EEFSEC: variants seen among roughly 807,000 people sequenced by gnomAD.
EEFSEC encodes selenocysteine-specific elongation factor.
A neutral mutation model predicts 42.1 loss-of-function variants in EEFSEC; 43 were observed. The ratio of observed to expected loss-of-function variants is 1.02; its 90% CI spans 0.80 to 1.32. The LOEUF (loss-of-function observed/expected upper bound fraction) is 1.32, where lower values mean the gene tolerates loss of function less well. Among genes scored for constraint, EEFSEC ranks in the 40% most tolerant of loss-of-function variants. The pLI, the probability that EEFSEC is intolerant of heterozygous loss-of-function variation, is 0.00. For missense variants in EEFSEC, 745 were observed against 803.6 expected, an observed-to-expected ratio of 0.93 and a Z score of 0.88; for synonymous variants, 354 against 339.1, an observed-to-expected ratio of 1.04 and a Z score of -0.48.
In EEFSEC at chr3:128,358,333, T is replaced by A; in HGVS notation, c.1560T>A (p.Ser520Arg). 1 of 1,614,258 alleles carries A rather than the reference T, an allele frequency of 6.2e-7. No individual in the cohort carries two copies. Among genetic ancestry groups the A allele is most frequent in the Non-Finnish European group, 8.5e-7 (1 of 1,180,040 alleles). The change falls in exon 6 of 7, where the codon AGT becomes AGA. Residue 520 changes from serine (S) to arginine (R), a missense_variant. By Grantham distance (110) the Ser-to-Arg change is moderately radical. Coordinates refer to ENST00000254730, the MANE Select transcript of EEFSEC (RefSeq NM_021937.5). Reference sequence around the variant, plus strand: ...CTGGGGAACTGGGCATCATCGACAGTGCCTTCGGCCAGAGCGGCAAGTTCA... The same window carrying A: ...CTGGGGAACTGGGCATCATCGACAGAGCCTTCGGCCAGAGCGGCAAGTTCA... ...LSTGELGIID[S>R]AFGQSGKFKI...
intron 6 of EEFSEC, among the ~76,000 whole-genome samples, chr3:128,368,297 T>C (rs978324022): frequency 1.3e-5 from 2 of 151,972 alleles, no homozygotes; most frequent in African/African-American, 4.8e-5. Context: ...CTGGGCATAG[T>C]GGTTACACAC....
the EEFSEC span, among the ~76,000 whole-genome samples, chr3:128,424,527 G>A: frequency 6.6e-6 from 1 of 151,952 alleles, no homozygotes; most frequent in South Asian, 2.1e-4. Flanking sequence ...GACTACACAG[G>A]CATGCACCAT....
At chr3:128,197,759 GTGTTCTGCA>G (rs2065600595) in intron 1 of EEFSEC, among the ~76,000 whole-genome samples, 1 of 152,124 alleles carries the variant, frequency 6.6e-6, no homozygotes, top group Admixed American at 6.5e-5. Context: ...CCTGGATGCT[GTGTTCTGCA>G]TCATCATCAG....
At chr3:128,321,053 C>T (rs1325579478) in intron 4 of EEFSEC, among the ~76,000 whole-genome samples, 2 of 152,168 alleles carry the variant, frequency 1.3e-5, no homozygotes, top group South Asian at 2.1e-4. Flanking sequence ...GCGACAAAGG[C>T]AGGGATGGCA....
At chr3:128,241,040 A>T (rs971294260) in intron 1 of EEFSEC, among the ~76,000 whole-genome samples, 14 of 152,024 alleles carry the variant, frequency 9.2e-5, no homozygotes, top group African/African-American at 1.2e-4. Flanking sequence ...GCTTGTACAG[A>T]GCAATTGTTT....
chr3:128,204,546 G>A (rs957346116), intron 1 of EEFSEC, among the ~76,000 whole-genome samples: 1 of 152,092 alleles, frequency 6.6e-6, no homozygotes, highest in Non-Finnish European at 1.5e-5. Context: ...TTGTCACAGT[G>A]TCTAACTACT....
chr3:128,407,430 G>A (rs1239562361), intron 6 of EEFSEC, among the ~76,000 whole-genome samples: 1 of 152,194 alleles, frequency 6.6e-6, no homozygotes, highest in East Asian at 1.9e-4. Flanking sequence ...TGAGCCGAGG[G>A]GGCACTGTGA....
chr3:128,187,628 G>A (rs1411358894), intron 1 of EEFSEC, among the ~76,000 whole-genome samples: 1 of 152,228 alleles, frequency 6.6e-6, no homozygotes, highest in Non-Finnish European at 1.5e-5. Context: ...GAGAACATCT[G>A]GCAGATAAAA....
chr3:128,229,551 A>G (rs572031124), intron 1 of EEFSEC, among the ~76,000 whole-genome samples: 19 of 152,324 alleles, frequency 1.2e-4, no homozygotes, highest in Admixed American at 5.9e-4. Flanking sequence ...TCTGACTCCA[A>G]TAGTTACAGG....
chr3:128,304,238 T>C (rs1471358630), intron 4 of EEFSEC, among the ~76,000 whole-genome samples: 5 of 152,060 alleles, frequency 3.3e-5, no homozygotes, highest in Admixed American at 2.0e-4. Context: ...TAATTTGAAT[T>C]GAGTTGAATA....
At position 128,297,480 on chromosome 3, in the gene EEFSEC, G is replaced by A. The variant is rs74520330; in HGVS notation, c.786+32699G>A. On this transcript the variant is annotated intron_variant, in intron 4 of 6. Coordinates refer to ENST00000254730, the MANE Select transcript of EEFSEC (RefSeq NM_021937.5). ...CCATCAGGAGGAAAGGAGCTGGTGTGGGAAAGCCCAGCCCAATCCCAGCTA... is the reference window on the plus strand; with the variant it reads ...CCATCAGGAGGAAAGGAGCTGGTGTAGGAAAGCCCAGCCCAATCCCAGCTA... Among the ~76,000 whole-genome samples the A allele has an allele frequency of 1.8e-3, 277 of 152,298 alleles. 6 individuals are homozygous for A. The East Asian group carries it at 0.044, about 24-fold the overall frequency.
chr3:128,390,107 A>C (rs2107622841), intron 6 of EEFSEC, among the ~76,000 whole-genome samples: 2 of 152,334 alleles, frequency 1.3e-5, no homozygotes, highest in East Asian at 3.9e-4. Context: ...CATCTTGTGA[A>C]AGTGCTTTGC....
intron 5 of EEFSEC, among the ~76,000 whole-genome samples, chr3:128,351,678 T>C (rs933615581): frequency 5.3e-5 from 8 of 152,208 alleles, no homozygotes; most frequent in Admixed American, 1.3e-4. Context: ...CACACACGTG[T>C]AATGACATAA....
chr3:128,202,995 T>C (rs1476268635), intron 1 of EEFSEC, among the ~76,000 whole-genome samples: 2 of 152,200 alleles, frequency 1.3e-5, no homozygotes. Context: ...AAGCTATAAA[T>C]TTCCCTCTAA....
chr3:128,172,109 T>G (rs1463960548), intron 1 of EEFSEC, among the ~76,000 whole-genome samples: 2 of 152,230 alleles, frequency 1.3e-5, no homozygotes, highest in Non-Finnish European at 2.9e-5. Context: ...TGGCATTGGT[T>G]TACAACTCCT....
chr3:128,246,854 T>C lies in EEFSEC; in HGVS notation c.335T>C (p.Leu112Pro). The C allele has an allele frequency of 6.2e-7, 1 of 1,614,036 alleles. No homozygotes were observed. Among genetic ancestry groups the C allele is most frequent in the Non-Finnish European group, 8.5e-7 (1 of 1,179,972 alleles). Residue 112 changes from leucine to proline, a missense_variant, in exon 2 of 7, where the codon CTG becomes CCG. Transcript: ENST00000254730. Reference sequence around the variant, plus strand: ...ATTCCAGGGGCCCAGATCATTGATCTGATGATGCTGGTCATCGATGTGACC... The same window carrying C: ...ATTCCAGGGGCCCAGATCATTGATCCGATGATGCTGGTCATCGATGTGACC... The part of the protein sequence containing the change: ...TIIGGAQIID[L>P]MMLVIDVTKG...
chr3:128,414,519 G>A, the EEFSEC span, among the ~76,000 whole-genome samples: 2 of 152,166 alleles, frequency 1.3e-5, no homozygotes, highest in Non-Finnish European at 2.9e-5. Context: ...CTCAGACCAG[G>A]CTACAGAGGC....
At chr3:128,230,388 C>T (rs1378666306) in intron 1 of EEFSEC, among the ~76,000 whole-genome samples, 1 of 152,192 alleles carries the variant, frequency 6.6e-6, no homozygotes, top group African/African-American at 2.4e-5. Context: ...CTCTTGGCCT[C>T]AAGCCATCCT....
At chr3:128,263,419 GT>G (rs1553748831) in intron 3 of EEFSEC, among the ~76,000 whole-genome samples, 1 of 152,236 alleles carries the variant, frequency 6.6e-6, no homozygotes, top group Non-Finnish European at 1.5e-5. Context: ...TGATTTACAC[GT>G]GCTGATCTTG....
Sources: gnomAD v4.1 joint callset for allele counts (sites outside exome capture counted in the v4.1 genomes callset) on GRCh38, gnomAD v4.1.1 for gene constraint, MANE v1.5 for transcripts, NCBI Gene and HGNC (gene_info 2026-07-23, HGNC 2026-07-21) for gene names.